The following FANCA variants were observed in gnomAD, a reference collection of about 807,000 sequenced individuals.
FANCA encodes FA complementation group A.
A neutral mutation model predicts 194.3 loss-of-function variants in FANCA; 236 were observed. The ratio of observed to expected loss-of-function variants is 1.21; its 90% CI spans 1.09 to 1.35. The LOEUF is 1.35. Ranked by LOEUF, FANCA falls within the 40% of genes most tolerant of loss-of-function variation. The pLI is 0.00. For synonymous variants in FANCA, 1,014 were observed against 715.8 expected (o/e 1.42, Z -6.65); for missense variants, 2,628 against 1,813.9 (o/e 1.45, Z -8.15).
intron 29 of FANCA, among the ~76,000 whole-genome samples, chr16:89,760,390 G>A (rs996047900): frequency 6.6e-6 from 1 of 152,218 alleles, no homozygotes; most frequent in African/African-American, 2.4e-5. Context: ...CTGATACCAG[G>A]ATCCAGGTGC....
chr16:89,758,833 C>T (rs1015805772), intron 29 of FANCA, 128 bp from the exon 30 acceptor site: 52 of 1,442,532 alleles, frequency 3.6e-5, no homozygotes, highest in South Asian at 5.8e-5. Context: ...ACTGGCGGCT[C>T]GGGACCTTGG....
At chr16:89,744,742 C>T (rs918446136) in intron 36 of FANCA, 2 of 600,590 alleles carry the variant, frequency 3.3e-6, no homozygotes, top group African/African-American at 3.7e-5. Flanking sequence ...CTGGAAACTC[C>T]ACCTCCTGGG....
chr16:89,765,098 A>G (rs376734838), intron 27 of FANCA, 32 bp from the exon 28 acceptor site: 8 of 1,612,292 alleles, frequency 5.0e-6, no homozygotes, highest in Non-Finnish European at 6.8e-6. Flanking sequence ...CCGTTTCTTC[A>G]TTGCGCAAGT....
At chr16:89,802,998 G>A (rs1294174857) in intron 8 of FANCA, among the ~76,000 whole-genome samples, 1 of 152,178 alleles carries the variant, frequency 6.6e-6, no homozygotes, top group Admixed American at 6.5e-5. Context: ...GGCGGCTATA[G>A]TTAACAACAG....
chr16:89,749,424 G>C (rs1292843667), intron 32 of FANCA, among the ~76,000 whole-genome samples: 1 of 152,064 alleles, frequency 6.6e-6, no homozygotes, highest in Non-Finnish European at 1.5e-5. Context: ...ATGGCGTTTC[G>C]CCATGTTGGT....
At chr16:89,809,533 G>C (rs993215045) in intron 5 of FANCA, among the ~76,000 whole-genome samples, 1 of 151,952 alleles carries the variant, frequency 6.6e-6, no homozygotes, top group Admixed American at 6.6e-5. Flanking sequence ...GGCCAACATG[G>C]TGAAACCTCA....
intron 8 of FANCA, among the ~76,000 whole-genome samples, chr16:89,802,778 T>C (rs1199150747): frequency 1.3e-5 from 2 of 151,988 alleles, no homozygotes; most frequent in East Asian, 3.9e-4. Flanking sequence ...TTATGTTAAG[T>C]GAAATAAGCC....
intron 30 of FANCA, among the ~76,000 whole-genome samples, chr16:89,757,583 G>C (rs1460679541): frequency 6.6e-6 from 1 of 152,218 alleles, no homozygotes; most frequent in Non-Finnish European, 1.5e-5. Flanking sequence ...CCGCAGGCAG[G>C]AGACATGGGG....
intron 27 of FANCA, among the ~76,000 whole-genome samples, chr16:89,766,659 G>A (rs984789744): frequency 1.3e-5 from 2 of 151,800 alleles, no homozygotes; most frequent in African/African-American, 4.8e-5. Context: ...AGGTTGCAGT[G>A]GGCCGAGATC....
chr16:89,752,071 T>A, intron 31 of FANCA, 67 bp downstream of exon 31: 1 of 1,453,286 alleles, frequency 6.9e-7, no homozygotes, highest in South Asian at 1.1e-5. Context: ...CGCCTGGCAA[T>A]AAATATCTTA....
At chr16:89,779,801 C>G (rs2039639522) in intron 18 of FANCA, 68 bp downstream of exon 18, 9 of 1,292,938 alleles carry the variant, frequency 7.0e-6, no homozygotes, top group Admixed American at 1.7e-5. Context: ...TCTGCACATA[C>G]TGCAGGCATC....
intron 26 of FANCA, among the ~76,000 whole-genome samples, chr16:89,768,458 C>A (rs2039205318): frequency 6.6e-6 from 1 of 152,122 alleles, no homozygotes; most frequent in Admixed American, 6.6e-5. Context: ...GAGTTCAAGA[C>A]CAGCCTGGCC....
At chr16:89,809,410 A>T (rs2040790646) in intron 5 of FANCA, among the ~76,000 whole-genome samples, 1 of 152,040 alleles carries the variant, frequency 6.6e-6, no homozygotes, top group South Asian at 2.1e-4. Context: ...TCTATAATGT[A>T]TGCTGGATAA....
intron 3 of FANCA, among the ~76,000 whole-genome samples, chr16:89,812,666 A>AAAAAAAC (rs1256354674): frequency 7.4e-5 from 11 of 147,890 alleles, no homozygotes; most frequent in East Asian, 2.0e-4. Flanking sequence ...AAAAAAAAAA[A>AAAAAAAC]AAAACTGTTA....
intron 8 of FANCA, among the ~76,000 whole-genome samples, chr16:89,801,869 C>G (rs562949307): frequency 2.6e-5 from 4 of 151,626 alleles, no homozygotes; most frequent in East Asian, 1.9e-4. Flanking sequence ...GCCTGAGCAA[C>G]AGAGAGAGAC....
chr16:89,782,905 T>A lies in FANCA; in HGVS notation c.1580A>T (p.Asn527Ile), dbSNP rs767196065. Residue 527 changes from asparagine to isoleucine, a missense_variant, in exon 17 of 43, where the codon AAC becomes ATC. Asn to Ile is a moderately radical substitution (Grantham distance 149). Transcript: ENST00000389301. ...RLADLKVSIE[N>I]MGLYEDLSSA... is the part of the protein sequence containing the mutation. ...TGACAAATCCTCGTAGAGTCCCATG[T>A]TTTCTATAGAAACCTTCAGGGAAGA... 5.0e-6 allele frequency: 8 copies of A among 1,614,108 alleles called. No homozygotes were observed. The South Asian group carries it at 8.8e-5, about 18-fold the overall frequency.
At chr16:89,777,166 C>T (rs536550676) in intron 20 of FANCA, among the ~76,000 whole-genome samples, 1 of 151,692 alleles carries the variant, frequency 6.6e-6, no homozygotes, top group South Asian at 2.1e-4. Context: ...TGTGGTGGAT[C>T]GCGCCTCTAG....
chr16:89,778,835 C>T lies in FANCA; in HGVS notation c.1792G>A (p.Asp598Asn), dbSNP rs2039605345. ...LTPRVLPKVP[D>N]SRVAFIESLK... ...GACTCTATAAACGCCACACGGGAGT[C>T]AGGGACTTTGGGGAGCTGTGGGAAG... The change falls in exon 20 of 43, where the codon GAC becomes AAC. Residue 598 changes from aspartate (D) to asparagine (N), a missense_variant. By Grantham distance (23) the Asp-to-Asn change is conservative. Coordinates refer to ENST00000389301, the MANE Select transcript of FANCA (RefSeq NM_000135.4). The T allele has an allele frequency of 1.2e-6, 2 of 1,614,054 alleles. No individual in the cohort carries two copies. Among genetic ancestry groups the T allele is most frequent in the Non-Finnish European group, 1.7e-6 (2 of 1,180,016 alleles).
At chr16:89,813,960 T>C (rs1240018220) in intron 3 of FANCA, among the ~76,000 whole-genome samples, 1 of 152,186 alleles carries the variant, frequency 6.6e-6, no homozygotes, top group Non-Finnish European at 1.5e-5. Flanking sequence ...ATGCAATTTG[T>C]GAAATTCAAA....
Sources: allele counts gnomAD v4.1 joint callset (sites outside exome capture counted in the v4.1 genomes callset), GRCh38; gene constraint gnomAD v4.1.1; transcripts MANE v1.5; gene names NCBI Gene and HGNC (gene_info 2026-07-23, HGNC 2026-07-21).